Variants in ORC3 observed in about 807,000 individuals in gnomAD.
ORC3 encodes homolog of latheo, Drosophila.
ORC3 carries 78 observed loss-of-function variants against 100.7 expected under a neutral mutation model. That is an observed-to-expected ratio of 0.77 (90% CI 0.65 to 0.94). The LOEUF is 0.94. ORC3 is among the 40% of genes least tolerant of loss of function. The pLI is 0.00. For missense variants in ORC3, 789 were observed against 823.9 expected (o/e 0.96, Z 0.52); for synonymous variants, 295 against 289.3 (o/e 1.02, Z -0.20).
intron 9 of ORC3, among the ~76,000 whole-genome samples, chr6:87,617,174 A>G (rs181256125): frequency 1.3e-5 from 2 of 152,240 alleles, no homozygotes; most frequent in African/African-American, 4.8e-5. Flanking sequence ...TCCTTTAAAG[A>G]TATAAAAAAG....
At chr6:87,594,523 G>A in intron 2 of ORC3, 116 bp downstream of exon 2, 1 of 1,389,308 alleles carries the variant, frequency 7.2e-7, no homozygotes, top group Middle Eastern at 2.7e-4. Context: ...CCATGTTGAT[G>A]TAGCATTTAT....
At chr6:87,654,030 T>C (rs1769479503) in intron 14 of ORC3, among the ~76,000 whole-genome samples, 1 of 152,230 alleles carries the variant, frequency 6.6e-6, no homozygotes, top group African/African-American at 2.4e-5. Flanking sequence ...GTGTACGTTT[T>C]ACTTTTCCCA....
chr6:87,663,024 G>A lies in ORC3; in HGVS notation c.1713G>A (p.Glu571=). 6.2e-7 allele frequency: 1 copy of A among 1,609,750 alleles called. No individual in the cohort carries two copies. The highest frequency in any genetic ancestry group is 8.5e-7 in the Non-Finnish European group (1 of 1,177,108). The change falls in exon 17 of 20, where the codon GAG becomes GAA. Residue 571 remains glutamate, a synonymous_variant. Coordinates refer to ENST00000392844, the MANE Select transcript of ORC3 (RefSeq NM_012381.4). ...CLVREYLLPP[E]TQPLHEVVYF... ...TCAGAGAATACCTTCTGCCTCCTGA[G>A]ACACAGCCTCTCCATGAGGTGGTGT...
At chr6:87,611,457 G>T (rs1370360515) in intron 7 of ORC3, among the ~76,000 whole-genome samples, 1 of 152,070 alleles carries the variant, frequency 6.6e-6, no homozygotes, top group Non-Finnish European at 1.5e-5. Context: ...ATATTAAATG[G>T]AATGGTATCT....
intron 1 of ORC3, among the ~76,000 whole-genome samples, chr6:87,592,519 C>T (rs1462532476): frequency 2.6e-5 from 4 of 152,130 alleles, no homozygotes; most frequent in African/African-American, 9.6e-5. Context: ...ATCCCAGCCT[C>T]TCAGGAGGCT....
intron 7 of ORC3, among the ~76,000 whole-genome samples, chr6:87,610,443 A>G (rs1000263057): frequency 2.0e-5 from 3 of 152,130 alleles, no homozygotes; most frequent in South Asian, 2.1e-4. Context: ...TCCTGACCTC[A>G]GGTGATCTGC....
At chr6:87,593,948 G>A (rs183412843) in intron 1 of ORC3, among the ~76,000 whole-genome samples, 160 of 152,356 alleles carry the variant, frequency 1.1e-3, no homozygotes, top group Admixed American at 1.5e-3. Context: ...ACCCGCCTTG[G>A]CCTCCCAGAG....
chr6:87,616,672 G>T (rs1779175152), intron 9 of ORC3, among the ~76,000 whole-genome samples: 1 of 152,136 alleles, frequency 6.6e-6, no homozygotes, highest in Non-Finnish European at 1.5e-5. Context: ...CATTTTGGGG[G>T]TAGGGGCAAG....
chr6:87,619,822 A>C (rs1476677042), intron 9 of ORC3, among the ~76,000 whole-genome samples: 2 of 151,970 alleles, frequency 1.3e-5, no homozygotes, highest in Admixed American at 1.3e-4. Flanking sequence ...TTTAGACCTC[A>C]TTTCCCCAGT....
At chr6:87,633,271 A>G (rs1482303485) in intron 11 of ORC3, among the ~76,000 whole-genome samples, 2 of 152,256 alleles carry the variant, frequency 1.3e-5, no homozygotes, top group Non-Finnish European at 2.9e-5. Context: ...TAATGGCTTT[A>G]TGCCATCTGT....
chr6:87,597,027 T>C (rs915732615), intron 2 of ORC3, among the ~76,000 whole-genome samples: 5 of 152,150 alleles, frequency 3.3e-5, no homozygotes, highest in Admixed American at 1.3e-4. Flanking sequence ...CTTGTGGGAC[T>C]TTGAAAAAAT....
chr6:87,615,817 T>C (rs993192352), intron 8 of ORC3, among the ~76,000 whole-genome samples: 2 of 152,214 alleles, frequency 1.3e-5, no homozygotes, highest in African/African-American at 4.8e-5. Flanking sequence ...CTATAGACAA[T>C]TGAAAATTAG....
At chr6:87,612,742 G>T (rs1176731014) in intron 8 of ORC3, among the ~76,000 whole-genome samples, 4 of 152,146 alleles carry the variant, frequency 2.6e-5, no homozygotes, top group Admixed American at 6.5e-5. Flanking sequence ...ATCTCAAGTA[G>T]CTGGGACTTC....
chr6:87,597,184 T>G (rs779005956), intron 2 of ORC3, among the ~76,000 whole-genome samples: 2 of 152,220 alleles, frequency 1.3e-5, no homozygotes, highest in Non-Finnish European at 2.9e-5. Flanking sequence ...CATTCATGTT[T>G]CATATACACC....
At chr6:87,604,155 C>G (rs943353724) in intron 4 of ORC3, among the ~76,000 whole-genome samples, 1 of 152,162 alleles carries the variant, frequency 6.6e-6, no homozygotes, top group Non-Finnish European at 1.5e-5. Context: ...AGCAAATTTT[C>G]TTCATTCCCT....
At chr6:87,658,713 AG>A (rs1489542788) in intron 16 of ORC3, among the ~76,000 whole-genome samples, 2 of 152,196 alleles carry the variant, frequency 1.3e-5, no homozygotes, top group Admixed American at 6.5e-5. Flanking sequence ...AGAGCAGACT[AG>A]CCATGCTGCT....
chr6:87,596,930 C>A (rs1419856759), intron 2 of ORC3, among the ~76,000 whole-genome samples: 1 of 152,144 alleles, frequency 6.6e-6, no homozygotes, highest in African/African-American at 2.4e-5. Context: ...CAGTTATCCC[C>A]AGTGGCAGTA....
intron 2 of ORC3, among the ~76,000 whole-genome samples, chr6:87,599,440 T>C (rs1201288535): frequency 2.0e-5 from 3 of 151,916 alleles, no homozygotes; most frequent in Non-Finnish European, 4.4e-5. Context: ...CAATTTCAGC[T>C]CACTGCAACC....
intron 2 of ORC3, among the ~76,000 whole-genome samples, chr6:87,596,870 T>G (rs1777482869): frequency 6.6e-6 from 1 of 152,194 alleles, no homozygotes; most frequent in Non-Finnish European, 1.5e-5. Context: ...TAATTGTAGA[T>G]GCACATATAA....
Sources: gnomAD v4.1 joint callset for allele counts (sites outside exome capture counted in the v4.1 genomes callset) on GRCh38, gnomAD v4.1.1 for gene constraint, MANE v1.5 for transcripts, NCBI Gene and HGNC (gene_info 2026-07-23, HGNC 2026-07-21) for gene names.